Variants in PACS2 observed in about 807,000 individuals in gnomAD.
PACS2 encodes phosphofurin acidic cluster sorting protein 2, also known as PACS1-like protein.
A neutral mutation model predicts 113.0 loss-of-function variants in PACS2; 36 were observed. The ratio of observed to expected loss-of-function variants is 0.32; its 90% CI spans 0.24 to 0.42. PACS2 has a LOEUF of 0.42. Among genes scored for constraint, PACS2 ranks in the 10% least tolerant of loss-of-function variants. The pLI is 1.00. For missense variants in PACS2, 1,015 were observed against 1,239.5 expected (o/e 0.82, Z 2.72); for synonymous variants, 589 against 536.1 (o/e 1.10, Z -1.36).
rs1004788728 is a variant in PACS2 at position 105,355,612 on chromosome 14, G to C, written c.423+435G>C. 6.6e-6 allele frequency among the ~76,000 whole-genome samples: 1 copy of C among 152,244 alleles called. No homozygotes were observed. The highest frequency in any genetic ancestry group is 1.5e-5 in the Non-Finnish European group (1 of 68,042). ...CTGAGCAGGAGCAGGACAGGTGTCA[G>C]TTCTGTGAAGGGGCTAGCGACAATA... is the stretch of plus-strand genomic sequence containing the variant. On this transcript the variant is annotated intron_variant, in intron 4 of 24. Coordinates refer to ENST00000447393, the MANE Select transcript of PACS2 (RefSeq NM_001100913.3). The surrounding 1 kb of genome is among the most constrained non-coding windows in gnomAD (Gnocchi z 4.1).
chr14:105,387,059 G>T (rs587686637), intron 19 of PACS2, among the ~76,000 whole-genome samples: 2 of 152,292 alleles, frequency 1.3e-5, no homozygotes, highest in African/African-American at 4.8e-5. Flanking sequence ...CCCTGCCTCC[G>T]TGTTGCAGGG....
intron 4 of PACS2, among the ~76,000 whole-genome samples, chr14:105,361,685 C>T (rs1303715004): frequency 6.6e-6 from 1 of 151,970 alleles, no homozygotes; most frequent in Non-Finnish European, 1.5e-5. Flanking sequence ...TGCAATGGCT[C>T]ACGCCGGTAA....
At chr14:105,390,587 C>T (rs1363295372) in intron 20 of PACS2, 1 of 167,102 alleles carries the variant, frequency 6.0e-6, no homozygotes, top group Non-Finnish European at 1.3e-5. Flanking sequence ...GACAGGTTGC[C>T]CAGGCAGCGG....
At chr14:105,301,532 T>G (rs1369987609) in intron 1 of PACS2, among the ~76,000 whole-genome samples, 2 of 152,058 alleles carry the variant, frequency 1.3e-5, no homozygotes, top group East Asian at 3.9e-4. Flanking sequence ...GCAGCTGCGC[T>G]GGGGGGCCTG....
chr14:105,379,861 G>T, intron 10 of PACS2, 32 bp downstream of exon 10: 1 of 1,585,730 alleles, frequency 6.3e-7, no homozygotes, highest in South Asian at 1.1e-5. Flanking sequence ...TCCCAGAGCA[G>T]ACCGTGGTCT....
intron 1 of PACS2, among the ~76,000 whole-genome samples, chr14:105,305,407 A>G (rs1018343598): frequency 1.8e-4 from 28 of 151,488 alleles, no homozygotes; most frequent in Non-Finnish European, 3.1e-4. Flanking sequence ...GTCTCAAAGA[A>G]AAAAGAAACA....
rs1045347766 is a variant in PACS2 at position 105,309,303 on chromosome 14, G to C, written c.-83+8324G>C. ...GGGGAGAGTTTTATTCCTGAATCCA[G>C]GTCATGCTGTGTTCAACTTTACACC... On this transcript the variant is annotated intron_variant, in intron 1 of 23. Coordinates refer to the PACS2 transcript ENST00000430725. This position sits in a 1 kb window ranked among gnomAD's most constrained non-coding sequence, Gnocchi z 4.0. 2.6e-5 allele frequency among the ~76,000 whole-genome samples: 4 copies of C among 152,206 alleles called. No homozygotes were observed. Among genetic ancestry groups the C allele is most frequent in the African/African-American group, 7.2e-5 (3 of 41,458 alleles).
Position 105,314,966 on chromosome 14 carries a change from C to T in PACS2, c.48C>T (p.Leu16=). The change falls in exon 1 of 25, where the codon CTC becomes CTT. Residue 16 remains leucine, a synonymous_variant. Coordinates refer to ENST00000447393, the MANE Select transcript of PACS2 (RefSeq NM_001100913.3). Reference sequence around the variant, plus strand: ...GCCTCCCCGGCGCGCCCGGCGCGCTCAACACGCCCGTGCCCATGAACCTGT... The same window carrying T: ...GCCTCCCCGGCGCGCCCGGCGCGCTTAACACGCCCGTGCCCATGAACCTGT... ...RLGLPGAPGA[L]NTPVPMNLFA... is the part of the protein sequence containing the mutation. 8.2e-7 allele frequency: 1 copy of T among 1,220,060 alleles called. No individual in the cohort carries two copies. Among genetic ancestry groups the T allele is most frequent in the South Asian group, 1.7e-5 (1 of 60,176 alleles). The allele number at this position is 1,220,060 out of a possible 1,614,324, so 75.6% of individuals were successfully genotyped here.
rs1213555507 is a variant in PACS2, at chr14:105,358,949, G to C, written c.423+3772G>C. 2.0e-5 allele frequency among the ~76,000 whole-genome samples: 3 copies of C among 152,236 alleles called. No individual in the cohort carries two copies. The highest frequency in any genetic ancestry group is 7.2e-5 in the African/African-American group (3 of 41,456). On this transcript the variant is annotated intron_variant, in intron 4 of 24. Transcript: ENST00000447393. The surrounding 1 kb of genome is among the most constrained non-coding windows in gnomAD (Gnocchi z 4.9). ...GGGCTGCATATCAATGGGTGGCCCC[G>C]TGAGAATATGATGGCACTGGACACT...
chr14:105,378,520 C>T (rs2080865187), intron 9 of PACS2, among the ~76,000 whole-genome samples: 3 of 152,256 alleles, frequency 2.0e-5, no homozygotes, highest in African/African-American at 7.2e-5. Context: ...AGCGGTTCTC[C>T]CACCTCAGCC....
At position 105,394,835 on chromosome 14, in the gene PACS2, T is replaced by A; in HGVS notation, c.*163T>A. The A allele has an allele frequency of 1.6e-6, 1 of 617,474 alleles. No individual in the cohort carries two copies. The highest frequency in any genetic ancestry group is 2.8e-5 in the East Asian group (1 of 36,094). 38.2% of individuals were successfully genotyped at this position (617,474 alleles called of 1,614,324 possible). On this transcript the variant is annotated 3_prime_UTR_variant, in exon 25 of 25. Coordinates refer to ENST00000447393, the MANE Select transcript of PACS2 (RefSeq NM_001100913.3). ...ACGTGGAAACTAACGGGGGAGCTCC[T>A]GCCAGGAGCCGAATAACTGCTCTGC...
intron 2 of PACS2, among the ~76,000 whole-genome samples, chr14:105,350,351 C>G (rs1450845301): frequency 6.6e-6 from 1 of 152,198 alleles, no homozygotes; most frequent in Non-Finnish European, 1.5e-5. Context: ...CCTCTAACCT[C>G]TGGCATGGGG....
In PACS2 at chr14:105,369,747, C is replaced by T. The variant is rs367922075; in HGVS notation, c.742-94C>T. ...CTGAGGCCTTGCTGCTCTCCCACGGCGGGCCTGGGTGCGGCCTGGGCCTGA... is the reference window on the plus strand; with the variant it reads ...CTGAGGCCTTGCTGCTCTCCCACGGTGGGCCTGGGTGCGGCCTGGGCCTGA... On this transcript the variant is annotated intron_variant, in intron 7 of 24. Transcript: ENST00000447393. 1.6e-4 allele frequency: 172 copies of T among 1,074,522 alleles called. 1 individual carries two copies. The highest frequency in any genetic ancestry group is 2.9e-4 in the East Asian group (11 of 38,590). The allele number at this position is 1,074,522 out of a possible 1,614,324, so 66.6% of individuals were successfully genotyped here.
At chr14:105,386,692 G>A (rs2081188324) in intron 19 of PACS2, among the ~76,000 whole-genome samples, 1 of 152,042 alleles carries the variant, frequency 6.6e-6, no homozygotes, top group Admixed American at 6.5e-5. Context: ...AGGGTAGTTG[G>A]GTCCCTGGGG....
intron 2 of PACS2, among the ~76,000 whole-genome samples, chr14:105,351,150 G>T (rs1259766516): frequency 1.3e-5 from 2 of 152,220 alleles, no homozygotes; most frequent in African/African-American, 4.8e-5. Flanking sequence ...CGGCCTCCGG[G>T]AACCTTGTGC....
chr14:105,381,660 C>G (rs1231079616), intron 12 of PACS2, among the ~76,000 whole-genome samples: 1 of 152,202 alleles, frequency 6.6e-6, no homozygotes, highest in Non-Finnish European at 1.5e-5. Context: ...TGGCCTGGCT[C>G]GAAGTCTCAC....
intron 1 of PACS2, among the ~76,000 whole-genome samples, chr14:105,347,284 T>C (rs2059976242): frequency 6.6e-6 from 1 of 151,744 alleles, no homozygotes; most frequent in Non-Finnish European, 1.5e-5. Context: ...CAGGCAGTCA[T>C]ACACAGGCTG....
chr14:105,355,938 C>T lies in PACS2; in HGVS notation c.423+761C>T, dbSNP rs1430614178. On this transcript the variant is annotated intron_variant, in intron 4 of 24. Transcript: ENST00000447393. The surrounding 1 kb of genome is among the most constrained non-coding windows in gnomAD (Gnocchi z 4.1). Reference sequence around the variant, plus strand: ...TCTTTTGCTTCAGAACTTTCCCCATCGTGGGGTTGTGTTCAGGGGTCCAGG... The same window carrying T: ...TCTTTTGCTTCAGAACTTTCCCCATTGTGGGGTTGTGTTCAGGGGTCCAGG... Among the ~76,000 whole-genome samples, 1 of 152,186 alleles carries T rather than the reference C, an allele frequency of 6.6e-6. No individual in the cohort carries two copies. Among genetic ancestry groups the T allele is most frequent in the African/African-American group, 2.4e-5 (1 of 41,448 alleles).
At chr14:105,393,110 G>T in intron 23 of PACS2, 112 bp from the exon 24 acceptor site, 1 of 823,716 alleles carries the variant, frequency 1.2e-6, no homozygotes. Flanking sequence ...TCCTAGGTGA[G>T]CAGTGCCATG....
Sources: allele counts gnomAD v4.1 joint callset (sites outside exome capture counted in the v4.1 genomes callset), GRCh38; gene constraint gnomAD v4.1.1; non-coding constraint Gnocchi (gnomAD v3.1); transcripts MANE v1.5; gene names NCBI Gene and HGNC (gene_info 2026-07-23, HGNC 2026-07-21).